GTF2F2: variants seen among roughly 807,000 people sequenced by gnomAD.
GTF2F2 encodes the protein ATP-dependent helicase GTF2F2.
In GTF2F2, 23 loss-of-function variants were observed where a neutral mutation model predicts 42.2. That is an observed-to-expected ratio of 0.55 (90% CI 0.39 to 0.77). The LOEUF is 0.77. GTF2F2 is among the 30% of genes least tolerant of loss of function. The pLI, the probability that GTF2F2 is intolerant of heterozygous loss-of-function variation, is 0.00. For missense variants in GTF2F2, 261 were observed against 287.2 expected, an observed-to-expected ratio of 0.91 and a Z score of 0.66; for synonymous variants, 105 against 100.8, an observed-to-expected ratio of 1.04 and a Z score of -0.25.
intron 6 of GTF2F2, among the ~76,000 whole-genome samples, chr13:45,253,498 A>C (rs142636323): frequency 2.6e-4 from 39 of 152,322 alleles, no homozygotes; most frequent in African/African-American, 8.2e-4. Flanking sequence ...GACCATCTGT[A>C]CAGTAGTACT....
At chr13:45,186,556 G>T (rs1473897341) in intron 4 of GTF2F2, among the ~76,000 whole-genome samples, 1 of 152,096 alleles carries the variant, frequency 6.6e-6, no homozygotes, top group East Asian at 1.9e-4. Flanking sequence ...CTCCCAAAGT[G>T]CTGGGATTAC....
chr13:45,193,713 G>A, intron 4 of GTF2F2: 1 of 1,359,122 alleles, frequency 7.4e-7, no homozygotes. Flanking sequence ...CATGTTATTT[G>A]GGATGTCTTT....
intron 5 of GTF2F2, among the ~76,000 whole-genome samples, chr13:45,251,950 C>G (rs1449144395): frequency 8.5e-5 from 13 of 152,052 alleles, no homozygotes; most frequent in Non-Finnish European, 2.9e-5. Flanking sequence ...TTCCTTAAAA[C>G]AGTTTTTTAA....
chr13:45,243,185 A>G (rs1875407243), intron 5 of GTF2F2, among the ~76,000 whole-genome samples: 1 of 152,190 alleles, frequency 6.6e-6, no homozygotes, highest in South Asian at 2.1e-4. Context: ...GTATTTGCAT[A>G]TAACCTACCT....
At chr13:45,211,749 G>A (rs945905574) in intron 5 of GTF2F2, among the ~76,000 whole-genome samples, 16 of 151,544 alleles carry the variant, frequency 1.1e-4, no homozygotes, top group Admixed American at 5.3e-4. Context: ...CACCATTCCC[G>A]GCCAATTTTG....
Position 45,212,440 on chromosome 13 carries a change from C to CTTG in GTF2F2, c.386+4937_386+4938insGTT, listed in dbSNP as rs1445003215. 3.7e-3 allele frequency among the ~76,000 whole-genome samples: 349 copies of CTTG among 93,540 alleles called. 4 individuals are homozygous for CTTG. Among genetic ancestry groups the CTTG allele is most frequent in the East Asian group, 0.024 (64 of 2,634 alleles). The allele number at this position is 93,540 out of a possible 152,430, so 61.4% of individuals were successfully genotyped here. On this transcript the variant is annotated intron_variant, in intron 5 of 7. Coordinates refer to ENST00000340473, the MANE Select transcript of GTF2F2 (RefSeq NM_004128.3). ...CTAGGATTGATTTCTTTCTTTCTTT[C>CTTG]TTTCTTGTTTCTTTCTTTCTTTCTT...
At chr13:45,127,442 C>G in intron 1 of GTF2F2, among the ~76,000 whole-genome samples, 1 of 151,974 alleles carries the variant, frequency 6.6e-6, no homozygotes, top group East Asian at 1.9e-4. Flanking sequence ...CCTCCTGCCT[C>G]AGCCTCCTGA....
At position 45,155,404 on chromosome 13, in the gene GTF2F2, G is replaced by A. The variant is rs569219782; in HGVS notation, c.304+3573G>A. On this transcript the variant is annotated intron_variant, in intron 4 of 7. Transcript: ENST00000340473. ...GTCTATAAAATGTAGAGTTTGTAAG[G>A]AAACTTGAAACCACATTTTAGTTCA... is the stretch of plus-strand genomic sequence containing the variant. 9.9e-5 allele frequency among the ~76,000 whole-genome samples: 15 copies of A among 152,270 alleles called. No individual in the cohort carries two copies. In the East Asian group the frequency reaches 2.9e-3, roughly 29 times the overall value.
At position 45,177,231 on chromosome 13, in the gene GTF2F2, T is replaced by C. The variant is rs1484212632; in HGVS notation, c.304+25400T>C. Among the ~76,000 whole-genome samples, 3 of 152,294 alleles carry C rather than the reference T, an allele frequency of 2.0e-5. No individual in the cohort carries two copies. In the East Asian group the frequency reaches 5.8e-4, roughly 29 times the overall value. On this transcript the variant is annotated intron_variant, in intron 4 of 7. Transcript: ENST00000340473. ...TACCAGCTTTGCCATAAATCAACTA[T>C]TTACTGAAGTACAGGTCTGCTTTTA...
chr13:45,134,202 G>C (rs1869501634), intron 1 of GTF2F2, among the ~76,000 whole-genome samples: 1 of 152,118 alleles, frequency 6.6e-6, no homozygotes, highest in African/African-American at 2.4e-5. Context: ...TAATGGTATT[G>C]ACTACCCTTC....
intron 5 of GTF2F2, among the ~76,000 whole-genome samples, chr13:45,226,498 A>G (rs1874360917): frequency 6.6e-6 from 1 of 152,136 alleles, no homozygotes; most frequent in South Asian, 2.1e-4. Flanking sequence ...TTCCAATCTT[A>G]TATCAGAGAC....
intron 7 of GTF2F2, among the ~76,000 whole-genome samples, chr13:45,275,119 T>G (rs1487256498): frequency 6.6e-6 from 1 of 152,136 alleles, no homozygotes; most frequent in Non-Finnish European, 1.5e-5. Flanking sequence ...TCTCTGGATA[T>G]TAATATATAT....
In GTF2F2 at chr13:45,151,911, C is replaced by CTTTTTTTT. The variant is rs773005628; in HGVS notation, c.304+94_304+101dup. 75 of 142,190 alleles carry CTTTTTTTT rather than the reference C, an allele frequency of 5.3e-4. 1 individual carries two copies. Among genetic ancestry groups the CTTTTTTTT allele is most frequent in the African/African-American group, 9.6e-4 (21 of 21,936 alleles). The allele number at this position is 142,190 out of a possible 1,614,324, so 8.8% of individuals were successfully genotyped here. A position where few individuals can be genotyped will look rare whatever the true frequency, so the allele number is the denominator to read the frequency against. ...CTGTCTCAACATACACTCCTATTTG[C>CTTTTTTTT]TTTTTTTTTTTTTTTTTTTTTGCGA... On this transcript the variant is annotated intron_variant, in intron 4 of 7. Coordinates refer to ENST00000340473, the MANE Select transcript of GTF2F2 (RefSeq NM_004128.3).
chr13:45,159,226 A>G (rs1452245058), intron 4 of GTF2F2, among the ~76,000 whole-genome samples: 2 of 152,218 alleles, frequency 1.3e-5, no homozygotes, highest in African/African-American at 2.4e-5. Flanking sequence ...CATATGACTA[A>G]GAACATACTA....
chr13:45,130,732 A>C (rs1869301828), intron 1 of GTF2F2, among the ~76,000 whole-genome samples: 2 of 152,202 alleles, frequency 1.3e-5, no homozygotes, highest in Non-Finnish European at 2.9e-5. Flanking sequence ...CCTTTTATTA[A>C]GATACGGAAA....
At chr13:45,124,599 C>T (rs759020382) in intron 1 of GTF2F2, among the ~76,000 whole-genome samples, 6 of 151,970 alleles carry the variant, frequency 3.9e-5, no homozygotes, top group Non-Finnish European at 7.4e-5. Context: ...GAGTCTCACC[C>T]GGTCACCCAG....
chr13:45,247,734 C>T (rs1312989663), intron 5 of GTF2F2, among the ~76,000 whole-genome samples: 1 of 151,924 alleles, frequency 6.6e-6, no homozygotes, highest in African/African-American at 2.4e-5. Context: ...TGTTATAACT[C>T]AGGCAAATAA....
At chr13:45,174,467 A>G (rs1218558435) in intron 4 of GTF2F2, among the ~76,000 whole-genome samples, 1 of 152,126 alleles carries the variant, frequency 6.6e-6, no homozygotes, top group African/African-American at 2.4e-5. Flanking sequence ...AGAGAAAACC[A>G]TCATTGACAT....
intron 1 of GTF2F2, among the ~76,000 whole-genome samples, chr13:45,123,662 G>A (rs1217829171): frequency 2.0e-5 from 3 of 151,282 alleles, no homozygotes; most frequent in East Asian, 1.9e-4. Flanking sequence ...CAAAACCTAC[G>A]GGCAGGACTG....
Sources: allele counts gnomAD v4.1 joint callset (sites outside exome capture counted in the v4.1 genomes callset), GRCh38; gene constraint gnomAD v4.1.1; transcripts MANE v1.5; gene names NCBI Gene and HGNC (gene_info 2026-07-23, HGNC 2026-07-21).